Variants in STAMBPL1 observed in about 807,000 individuals in gnomAD.
The protein encoded by STAMBPL1 is AMSH-like protease.
In STAMBPL1, 44 loss-of-function variants were observed where a neutral mutation model predicts 52.9. The observed-to-expected ratio is 0.83, with a 90% CI of 0.65 to 1.07. The LOEUF (loss-of-function observed/expected upper bound fraction) is 1.07, where lower values mean the gene tolerates loss of function less well. STAMBPL1 is among the 50% of genes least tolerant of loss of function. The probability of loss-of-function intolerance (pLI) is 0.00; values close to 1 mark genes in which losing one functional copy is unlikely to be tolerated. For synonymous variants in STAMBPL1, 164 were observed against 177.3 expected, an observed-to-expected ratio of 0.92 and a Z score of 0.60; for missense variants, 511 against 520.8, an observed-to-expected ratio of 0.98 and a Z score of 0.18.
intron 1 of STAMBPL1, among the ~76,000 whole-genome samples, chr10:88,883,947 G>A (rs529914261): frequency 6.6e-6 from 1 of 152,068 alleles, no homozygotes; most frequent in African/African-American, 2.4e-5. Flanking sequence ...TCATTAGAAA[G>A]TCTCCCAGTT....
intron 3 of STAMBPL1, among the ~76,000 whole-genome samples, chr10:88,906,272 G>A (rs1386279577): frequency 6.6e-6 from 1 of 152,236 alleles, no homozygotes; most frequent in Non-Finnish European, 1.5e-5. Flanking sequence ...AAACAGCCAT[G>A]TCAGAGTATC....
intron 9 of STAMBPL1, among the ~76,000 whole-genome samples, chr10:88,921,730 C>A (rs190014838): frequency 1.1e-3 from 161 of 152,146 alleles, no homozygotes; most frequent in African/African-American, 3.7e-3. Flanking sequence ...AGAAAAAAAC[C>A]TTTCTAGCTT....
chr10:88,914,774 A>G (rs1257282349), intron 7 of STAMBPL1, 116 bp downstream of exon 7: 1 of 377,380 alleles, frequency 2.6e-6, no homozygotes. Flanking sequence ...AGTTATCAAT[A>G]TTATGAAATT....
chr10:88,922,296 G>T (rs761097474), intron 9 of STAMBPL1, 41 bp from the exon 10 acceptor site: 1 of 1,594,444 alleles, frequency 6.3e-7, no homozygotes, highest in African/African-American at 1.3e-5. Flanking sequence ...ATGCCCAAAT[G>T]ATCCTTAATT....
At chr10:88,904,845 TA>T (rs1845032355) in intron 2 of STAMBPL1, among the ~76,000 whole-genome samples, 1 of 151,990 alleles carries the variant, frequency 6.6e-6, no homozygotes, top group Non-Finnish European at 1.5e-5. Context: ...AGATTCTTTT[TA>T]TGTTAAAAAA....
intron 1 of STAMBPL1, among the ~76,000 whole-genome samples, chr10:88,886,490 A>C (rs1844536409): frequency 1.3e-5 from 2 of 152,236 alleles, no homozygotes; most frequent in South Asian, 2.1e-4. Context: ...AATTTGATTA[A>C]AGATGAAAGA....
At chr10:88,883,992 AGC>A (rs1158613389) in intron 1 of STAMBPL1, among the ~76,000 whole-genome samples, 2 of 152,152 alleles carry the variant, frequency 1.3e-5, no homozygotes, top group Non-Finnish European at 2.9e-5. Context: ...CAGATTAGAA[AGC>A]TATCTGAAAT....
At chr10:88,919,200 C>T (rs1041187630) in intron 8 of STAMBPL1, among the ~76,000 whole-genome samples, 1 of 152,168 alleles carries the variant, frequency 6.6e-6, no homozygotes, top group Non-Finnish European at 1.5e-5. Context: ...CAGCAAGTTA[C>T]TCACTTTCCT....
chr10:88,910,920 T>C lies in STAMBPL1; in HGVS notation c.329T>C (p.Leu110Pro), dbSNP rs1845206120. The change falls in exon 5 of 11, where the codon CTG becomes CCG. Residue 110 changes from leucine to proline, a missense_variant. Leu to Pro is a moderately conservative substitution (Grantham distance 98). Transcript: ENST00000371926. ...ATGTATATATATTTTTAAAAGAAACTGAAGGAGATTGCATTCCCAAGGACA... is the reference window on the plus strand; with the variant it reads ...ATGTATATATATTTTTAAAAGAAACCGAAGGAGATTGCATTCCCAAGGACA... The part of the protein sequence containing the change: ...VPEKQDIMKK[L>P]KEIAFPRTDE... 7.0e-6 allele frequency: 11 copies of C among 1,582,354 alleles called. No homozygotes were observed. Among genetic ancestry groups the C allele is most frequent in the Non-Finnish European group, 7.7e-6 (9 of 1,168,564 alleles).
At chr10:88,882,980 G>A (rs1844443268) in intron 1 of STAMBPL1, 1 of 151,462 alleles carries the variant, frequency 6.6e-6, no homozygotes, top group Non-Finnish European at 1.5e-5. Flanking sequence ...ATTTACATTA[G>A]GTATATCTCG....
chr10:88,880,917 C>G (rs1844386971), intron 1 of STAMBPL1, among the ~76,000 whole-genome samples: 1 of 152,206 alleles, frequency 6.6e-6, no homozygotes, highest in Admixed American at 6.5e-5. Flanking sequence ...GAAGACCTGG[C>G]TGCTGGTGGC....
chr10:88,897,749 A>G (rs142550622), intron 1 of STAMBPL1, among the ~76,000 whole-genome samples: 2 of 152,266 alleles, frequency 1.3e-5, no homozygotes, highest in Non-Finnish European at 2.9e-5. Flanking sequence ...TAGAGCCTAG[A>G]CTCAACACCC....
At chr10:88,881,377 G>A (rs984106856) in intron 1 of STAMBPL1, among the ~76,000 whole-genome samples, 1 of 151,866 alleles carries the variant, frequency 6.6e-6, no homozygotes. Context: ...ACCCAATCTA[G>A]AGGTTTGAAA....
At chr10:88,891,762 T>A (rs995928512) in intron 1 of STAMBPL1, among the ~76,000 whole-genome samples, 15 of 152,100 alleles carry the variant, frequency 9.9e-5, no homozygotes, top group African/African-American at 3.4e-4. Flanking sequence ...AGATAATTGT[T>A]TATTATTTTT....
rs143062007 is a variant in STAMBPL1 at position 88,914,677 on chromosome 10, A to AATATAAATAT, written c.903+24_903+25insAATATATATA. On this transcript the variant is annotated intron_variant, in intron 7 of 10. Coordinates refer to ENST00000371926, the MANE Select transcript of STAMBPL1 (RefSeq NM_020799.4). ...AAAACTGGTATGATCTTTTTATATA[A>AATATAAATAT]ATATATATATATATATATCTGCATA... 6,938 of 850,574 alleles carry AATATAAATAT rather than the reference A, an allele frequency of 8.2e-3. 259 individuals are homozygous for AATATAAATAT. The African/African-American group carries it at 0.087, about 11-fold the overall frequency. 52.7% of individuals were successfully genotyped at this position (850,574 alleles called of 1,614,324 possible).
intron 1 of STAMBPL1, among the ~76,000 whole-genome samples, chr10:88,887,855 G>C (rs551119653): frequency 6.6e-6 from 1 of 152,314 alleles, no homozygotes; most frequent in South Asian, 2.1e-4. Context: ...AGGAGATTCT[G>C]ATGCAGGTGC....
At chr10:88,902,188 C>A (rs2133165682) in intron 2 of STAMBPL1, among the ~76,000 whole-genome samples, 1 of 152,320 alleles carries the variant, frequency 6.6e-6, no homozygotes, top group East Asian at 1.9e-4. Flanking sequence ...TTGTTCTTCT[C>A]ACTTTTCCCC....
chr10:88,888,624 G>T (rs1394406891), intron 1 of STAMBPL1, among the ~76,000 whole-genome samples: 1 of 152,158 alleles, frequency 6.6e-6, no homozygotes, highest in African/African-American at 2.4e-5. Context: ...TTCAGGCCAG[G>T]ATTTAGGAAG....
At chr10:88,901,800 A>G (rs1589364124) in intron 2 of STAMBPL1, 62 bp downstream of exon 2, 1 of 1,519,436 alleles carries the variant, frequency 6.6e-7, no homozygotes, top group South Asian at 1.2e-5. Flanking sequence ...GAACAGAAAC[A>G]TACAAATGTG....
Sources: gnomAD v4.1 joint callset for allele counts (sites outside exome capture counted in the v4.1 genomes callset) on GRCh38, gnomAD v4.1.1 for gene constraint, MANE v1.5 for transcripts, NCBI Gene and HGNC (gene_info 2026-07-23, HGNC 2026-07-21) for gene names.